The following RASAL2 variants were observed in gnomAD, a reference collection of about 807,000 sequenced individuals.
RASAL2 encodes ras GTPase-activating protein nGAP.
A neutral mutation model predicts 128.9 loss-of-function variants in RASAL2; 58 were observed. That is an observed-to-expected ratio of 0.45 (90% CI 0.36 to 0.56). The LOEUF (loss-of-function observed/expected upper bound fraction) is 0.56, where lower values mean the gene tolerates loss of function less well. Ranked by LOEUF, RASAL2 falls within the 20% of genes least tolerant of loss-of-function variation. The pLI, the probability that RASAL2 is intolerant of heterozygous loss-of-function variation, is 0.00. For synonymous variants in RASAL2, 561 were observed against 580.8 expected (o/e 0.97, Z 0.49); for missense variants, 1,360 against 1,601.6 (o/e 0.85, Z 2.57).
At chr1:178,289,512 ACTATGTTGC>A (rs1161710891) in intron 2 of RASAL2, among the ~76,000 whole-genome samples, 17 of 151,978 alleles carry the variant, frequency 1.1e-4, no homozygotes, top group Non-Finnish European at 2.1e-4. Flanking sequence ...ATGGAGTCTC[ACTATGTTGC>A]CCAAACTGGT....
chr1:178,403,119 T>C (rs1395884067), intron 4 of RASAL2, among the ~76,000 whole-genome samples: 1 of 152,142 alleles, frequency 6.6e-6, no homozygotes, highest in African/African-American at 2.4e-5. Flanking sequence ...TGACATTCAA[T>C]TTACAATAAA....
Position 178,356,284 on chromosome 1 carries a change from A to G in RASAL2, c.458-33816A>G, listed in dbSNP as rs147871377. 3.7e-3 allele frequency among the ~76,000 whole-genome samples: 565 copies of G among 152,258 alleles called. 2 individuals carry two copies. Among genetic ancestry groups the G allele is most frequent in the African/African-American group, 0.013 (536 of 41,548 alleles). ...AGCATATAGAGCAATGGGAACTCCT[A>G]CATTGCTAGTGGGAGTAAAAACTTG... On this transcript the variant is annotated intron_variant, in intron 3 of 17. Transcript: ENST00000367649.
intron 1 of RASAL2, among the ~76,000 whole-genome samples, chr1:178,261,306 C>T (rs1346937829): frequency 6.6e-6 from 1 of 152,120 alleles, no homozygotes; most frequent in African/African-American, 2.4e-5. Context: ...TTAGGCCTAC[C>T]TCTGGATAGG....
At chr1:178,333,021 A>T (rs1035339818) in intron 3 of RASAL2, among the ~76,000 whole-genome samples, 9 of 151,150 alleles carry the variant, frequency 6.0e-5, no homozygotes, top group Non-Finnish European at 3.0e-5. Context: ...TCCTTATCAG[A>T]TTTATTTATT....
intron 1 of RASAL2, among the ~76,000 whole-genome samples, chr1:178,249,971 CTCTTCTGTATGAAGGG>C (rs1259457233): frequency 6.6e-6 from 1 of 152,148 alleles, no homozygotes. Flanking sequence ...GATGCCGGGG[CTCTTCTGTATGAAGGG>C]TCTGTCAACC....
At chr1:178,183,929 A>G (rs552077551) in intron 1 of RASAL2, among the ~76,000 whole-genome samples, 5 of 152,316 alleles carry the variant, frequency 3.3e-5, no homozygotes, top group African/African-American at 9.6e-5. Context: ...CCAGCAATGA[A>G]TGAGAGTTCC....
At chr1:178,334,710 A>G (rs1435441436) in intron 3 of RASAL2, among the ~76,000 whole-genome samples, 1 of 152,214 alleles carries the variant, frequency 6.6e-6, no homozygotes, top group African/African-American at 2.4e-5. Flanking sequence ...CTTTCTAAAA[A>G]AATAGGCAGG....
intron 4 of RASAL2, among the ~76,000 whole-genome samples, chr1:178,411,124 C>CA (rs1334586859): frequency 6.6e-6 from 1 of 150,812 alleles, no homozygotes; most frequent in African/African-American, 2.4e-5. Flanking sequence ...AAATGCCTAT[C>CA]AACTAATGAG....
intron 1 of RASAL2, among the ~76,000 whole-genome samples, chr1:178,141,193 C>CTTTTTTTTTGT (rs1660516539): frequency 1.4e-5 from 1 of 73,936 alleles, no homozygotes; most frequent in Non-Finnish European, 2.4e-5. Flanking sequence ...CTTTTCTTTT[C>CTTTTTTTTTGT]TTTTTTTTTT....
In RASAL2 at chr1:178,149,614, ATCT is replaced by A. The variant is rs1327245424; in HGVS notation, c.202+54925_202+54927del. 2.6e-5 allele frequency among the ~76,000 whole-genome samples: 4 copies of A among 151,974 alleles called. No homozygotes were observed. The East Asian group carries it at 7.8e-4, about 29-fold the overall frequency. The stretch of plus-strand genomic sequence containing the variant: ...AAACTTTGAGTATCACAGAGTCCAC[ATCT>A]TCTTTGTGAGCCAAATTGGAAGAAA... On this transcript the variant is annotated intron_variant, in intron 1 of 17. Transcript: ENST00000367649.
chr1:178,214,925 C>T (rs1171010985), intron 1 of RASAL2, among the ~76,000 whole-genome samples: 1 of 152,144 alleles, frequency 6.6e-6, no homozygotes, highest in Non-Finnish European at 1.5e-5. Flanking sequence ...AAGCAGATAG[C>T]ATATTAAATG....
chr1:178,332,709 T>C (rs1196943860), intron 3 of RASAL2, among the ~76,000 whole-genome samples: 2 of 149,884 alleles, frequency 1.3e-5, no homozygotes. Flanking sequence ...CCTCCCGGGT[T>C]CACGCCATTC....
chr1:178,257,847 GAAA>G (rs71108038), intron 1 of RASAL2, among the ~76,000 whole-genome samples: 1 of 128,076 alleles, frequency 7.8e-6, no homozygotes, highest in African/African-American at 3.3e-5. Flanking sequence ...TCTCAAAAAA[GAAA>G]AAAAAAAAAA....
At chr1:178,260,338 C>T (rs111837520) in intron 1 of RASAL2, among the ~76,000 whole-genome samples, 902 of 53,632 alleles carry the variant, frequency 0.017, 18 homozygotes, top group African/African-American at 0.051. Context: ...GGCGACAGAG[C>T]GAGACTCGTC....
At chr1:178,318,010 T>A (rs2102323413) in intron 3 of RASAL2, among the ~76,000 whole-genome samples, 1 of 150,582 alleles carries the variant, frequency 6.6e-6, no homozygotes, top group South Asian at 2.1e-4. Context: ...TCTCATTGGT[T>A]TCAAAGAACA....
At chr1:178,160,093 A>G (rs1661226764) in intron 1 of RASAL2, among the ~76,000 whole-genome samples, 1 of 151,766 alleles carries the variant, frequency 6.6e-6, no homozygotes, top group Non-Finnish European at 1.5e-5. Context: ...GTACATGTGC[A>G]CAACGTGCAG....
Position 178,475,523 on chromosome 1 carries a change from A to G in RASAL2, c.*2284A>G, listed in dbSNP as rs1192257629. Reference sequence around the variant, plus strand: ...TGTGCCACAGAAAACCTGGTAAGAGAATTGTCAGTTTCATTGGCCATAAGT... The same window carrying G: ...TGTGCCACAGAAAACCTGGTAAGAGGATTGTCAGTTTCATTGGCCATAAGT... On this transcript the variant is annotated 3_prime_UTR_variant, in exon 18 of 18. Coordinates refer to ENST00000367649, the MANE Select transcript of RASAL2 (RefSeq NM_170692.4). 2.6e-5 allele frequency: 4 copies of G among 152,168 alleles called. No individual in the cohort carries two copies. In the East Asian group the frequency reaches 7.7e-4, roughly 29 times the overall value. 9.4% of individuals were successfully genotyped at this position (152,168 alleles called of 1,614,324 possible).
chr1:178,252,075 A>G (rs1259242615), intron 1 of RASAL2, among the ~76,000 whole-genome samples: 3 of 152,170 alleles, frequency 2.0e-5, no homozygotes, highest in Admixed American at 1.3e-4. Flanking sequence ...GAAAAATTTT[A>G]TAAACTGAAA....
intron 5 of RASAL2, among the ~76,000 whole-genome samples, chr1:178,428,063 A>G (rs1387919213): frequency 2.0e-5 from 3 of 151,118 alleles, no homozygotes; most frequent in Non-Finnish European, 4.4e-5. Context: ...TTTTTACACT[A>G]AACATATGCC....
Sources: allele counts gnomAD v4.1 joint callset (sites outside exome capture counted in the v4.1 genomes callset), GRCh38; gene constraint gnomAD v4.1.1; transcripts MANE v1.5; gene names NCBI Gene and HGNC (gene_info 2026-07-23, HGNC 2026-07-21).